Variants in MAP2K6 observed in about 807,000 individuals in gnomAD.
MAP2K6 encodes mitogen-activated protein kinase kinase 6.
Under a neutral mutation model 53.7 loss-of-function variants are expected in MAP2K6, and 16 were observed. The ratio of observed to expected loss-of-function variants is 0.30; its 90% CI spans 0.20 to 0.45. MAP2K6 has a LOEUF of 0.45. Among genes scored for constraint, MAP2K6 ranks in the 20% least tolerant of loss-of-function variants. MAP2K6 has a pLI of 1.00. For missense variants in MAP2K6, 204 were observed against 411.9 expected (o/e 0.50, Z 4.37); for synonymous variants, 132 against 143.1 (o/e 0.92, Z 0.55).
At chr17:69,461,533 G>A (rs1907622477) in intron 1 of MAP2K6, among the ~76,000 whole-genome samples, 1 of 152,152 alleles carries the variant, frequency 6.6e-6, no homozygotes, top group Non-Finnish European at 1.5e-5. Flanking sequence ...CTTTGTTTAG[G>A]GGCATGTTTT....
chr17:69,414,934 A>C lies in MAP2K6; in HGVS notation c.-51A>C, dbSNP rs371950957. 11 of 1,516,296 alleles carry C rather than the reference A, an allele frequency of 7.3e-6. No homozygotes were observed. The highest frequency in any genetic ancestry group is 1.4e-5 in the African/African-American group (1 of 72,522). 93.9% of individuals were successfully genotyped at this position (1,516,296 alleles called of 1,614,324 possible). ...GTTGCAAAACTAGCTACAGAAGAGA[A>C]GCAAGGCAAAGTCTTTTGTGCTCCC... On this transcript the variant is annotated 5_prime_UTR_variant, in exon 1 of 12. Transcript: ENST00000590474.
rs1910788479 is a variant in MAP2K6 at position 69,526,669 on chromosome 17, G to T, written c.841G>T (p.Asp281Tyr). The change falls in exon 10 of 12, where the codon GAC becomes TAC. Residue 281 changes from aspartate (D) to tyrosine (Y), a missense_variant. By Grantham distance (160) the Asp-to-Tyr change is radical. Transcript: ENST00000590474. ...GGAGCCATCGCCACAACTCCCAGCA[G>T]ACAAGTTCTCTGCAGAGTTTGTTGA... ...VEEPSPQLPA[D>Y]KFSAEFVDFT... 1 of 1,613,936 alleles carries T rather than the reference G, an allele frequency of 6.2e-7. No homozygotes were observed. Among genetic ancestry groups the T allele is most frequent in the Non-Finnish European group, 8.5e-7 (1 of 1,180,032 alleles).
At chr17:69,493,295 C>A (rs1240563623) in intron 1 of MAP2K6, among the ~76,000 whole-genome samples, 1 of 114,376 alleles carries the variant, frequency 8.7e-6, no homozygotes, top group Non-Finnish European at 1.9e-5. Context: ...GGAAAAAAAA[C>A]AGTGTATGTG....
intron 1 of MAP2K6, among the ~76,000 whole-genome samples, chr17:69,493,531 C>A (rs1908833167): frequency 6.6e-6 from 1 of 152,096 alleles, no homozygotes; most frequent in African/African-American, 2.4e-5. Context: ...GAGGCTGAGG[C>A]AGGCAGATCA....
intron 1 of MAP2K6, among the ~76,000 whole-genome samples, chr17:69,493,548 G>A (rs1908833691): frequency 6.6e-6 from 1 of 152,124 alleles, no homozygotes; most frequent in Non-Finnish European, 1.5e-5. Context: ...ATCACCTGAG[G>A]TCAGGAGTTT....
intron 1 of MAP2K6, among the ~76,000 whole-genome samples, chr17:69,492,459 G>T (rs1374091462): frequency 6.6e-6 from 1 of 152,168 alleles, no homozygotes; most frequent in African/African-American, 2.4e-5. Context: ...TCAGATGGTT[G>T]TAGGTGTGCA....
intron 2 of MAP2K6, 93 bp downstream of exon 2, chr17:69,505,939 C>T: frequency 9.5e-7 from 1 of 1,057,186 alleles, no homozygotes. Flanking sequence ...AATGCCTTGA[C>T]TTTAGAAGAG....
intron 1 of MAP2K6, among the ~76,000 whole-genome samples, chr17:69,441,299 C>T (rs1056602230): frequency 1.3e-5 from 2 of 152,052 alleles, no homozygotes; most frequent in Admixed American, 1.3e-4. Flanking sequence ...TTTCATATGT[C>T]CCTGAAGATT....
rs1252378783 is a variant in MAP2K6, at chr17:69,550,543, A to C, written c.*8790A>C. 6.6e-6 allele frequency: 1 copy of C among 152,234 alleles called. No individual in the cohort carries two copies. Among genetic ancestry groups the C allele is most frequent in the Non-Finnish European group, 1.5e-5 (1 of 68,030 alleles). The allele number at this position is 152,234 out of a possible 1,614,324, so 9.4% of individuals were successfully genotyped here. A position where few individuals can be genotyped will look rare whatever the true frequency, so the allele number is the denominator to read the frequency against. ...TAGTTTGAAGTTTCAGAAGCCATGA[A>C]TTATGGGGAAGGAGTAGTTTTTTAT... On this transcript the variant is annotated 3_prime_UTR_variant, in exon 12 of 12. Coordinates refer to ENST00000590474, the MANE Select transcript of MAP2K6 (RefSeq NM_002758.4).
At chr17:69,468,115 A>G (rs1332888079) in intron 1 of MAP2K6, among the ~76,000 whole-genome samples, 4 of 152,114 alleles carry the variant, frequency 2.6e-5, no homozygotes, top group Non-Finnish European at 4.4e-5. Flanking sequence ...GTTTCAGCCC[A>G]AGTGCACCCC....
chr17:69,540,679 A>G (rs1336040670), intron 11 of MAP2K6, among the ~76,000 whole-genome samples: 1 of 152,006 alleles, frequency 6.6e-6, no homozygotes, highest in African/African-American at 2.4e-5. Flanking sequence ...TTTAGAGTTT[A>G]CTTGTTCTGA....
intron 2 of MAP2K6, among the ~76,000 whole-genome samples, chr17:69,506,217 A>C (rs1909463249): frequency 1.3e-5 from 2 of 152,184 alleles, no homozygotes; most frequent in African/African-American, 4.8e-5. Context: ...GTTGAGATGG[A>C]AAGATGGTAT....
At chr17:69,468,388 G>A (rs912799612) in intron 1 of MAP2K6, among the ~76,000 whole-genome samples, 1 of 152,112 alleles carries the variant, frequency 6.6e-6, no homozygotes, top group Non-Finnish European at 1.5e-5. Flanking sequence ...AACCATTTAC[G>A]AGCCAATTAC....
chr17:69,454,017 T>G (rs527511575), intron 1 of MAP2K6, among the ~76,000 whole-genome samples: 1 of 152,386 alleles, frequency 6.6e-6, no homozygotes, highest in South Asian at 2.1e-4. Flanking sequence ...GTAGGTAACC[T>G]TTATGGCCCT....
intron 1 of MAP2K6, among the ~76,000 whole-genome samples, chr17:69,460,674 C>T (rs1331951432): frequency 1.3e-5 from 2 of 152,162 alleles, no homozygotes; most frequent in Non-Finnish European, 2.9e-5. Flanking sequence ...GATCATGGCT[C>T]ACTGCAGCCT....
chr17:69,488,298 A>G (rs1254289167), intron 1 of MAP2K6, among the ~76,000 whole-genome samples: 1 of 152,214 alleles, frequency 6.6e-6, no homozygotes, highest in Non-Finnish European at 1.5e-5. Flanking sequence ...TGTAGAGAAG[A>G]AGAAATGCTT....
At chr17:69,473,699 A>T (rs2715814) in intron 1 of MAP2K6, among the ~76,000 whole-genome samples, 76,274 of 152,010 alleles carry the variant, frequency 0.5, 19,818 homozygotes, top group East Asian at 0.84. Context: ...TTTAGCTAAG[A>T]GGACTAGAGA....
chr17:69,495,392 C>T (rs1347091038), intron 1 of MAP2K6, among the ~76,000 whole-genome samples: 3 of 151,948 alleles, frequency 2.0e-5, no homozygotes, highest in Non-Finnish European at 2.9e-5. Flanking sequence ...CCCACCAACA[C>T]GCCCAGCTAA....
chr17:69,414,893 T>A lies in MAP2K6; in HGVS notation c.-92T>A. On this transcript the variant is annotated 5_prime_UTR_variant, in exon 1 of 12. Coordinates refer to ENST00000590474, the MANE Select transcript of MAP2K6 (RefSeq NM_002758.4). ...TCCACTTGCATGAAGATTGCACGCC[T>A]GCAGCTTGCATCTTTGTTGCAAAAC... 8.4e-7 allele frequency: 1 copy of A among 1,193,220 alleles called. No homozygotes were observed. Among genetic ancestry groups the A allele is most frequent in the South Asian group, 1.3e-5 (1 of 79,114 alleles). 73.9% of individuals were successfully genotyped at this position (1,193,220 alleles called of 1,614,324 possible). A position where few individuals can be genotyped will look rare whatever the true frequency, so the allele number is the denominator to read the frequency against.
Sources: allele counts gnomAD v4.1 joint callset (sites outside exome capture counted in the v4.1 genomes callset), GRCh38; gene constraint gnomAD v4.1.1; transcripts MANE v1.5; gene names NCBI Gene and HGNC (gene_info 2026-07-23, HGNC 2026-07-21).